The following UNC13C variants were observed in gnomAD, a reference collection of about 807,000 sequenced individuals.
UNC13C encodes the protein protein unc-13 homolog C.
Under a neutral mutation model 245.4 loss-of-function variants are expected in UNC13C, and 174 were observed. The observed-to-expected ratio is 0.71, with a 90% CI of 0.63 to 0.80. The LOEUF (loss-of-function observed/expected upper bound fraction) is 0.80. Among genes scored for constraint, UNC13C ranks in the 30% least tolerant of loss-of-function variants. The pLI is 0.00. For missense variants in UNC13C, 2,829 were observed against 2,602.9 expected (o/e 1.09, Z -1.89); for synonymous variants, 992 against 895.1 (o/e 1.11, Z -1.93).
chr15:54,278,305 G>A (rs1396624260), intron 10 of UNC13C, among the ~76,000 whole-genome samples: 1 of 151,992 alleles, frequency 6.6e-6, no homozygotes, highest in Non-Finnish European at 1.5e-5. Flanking sequence ...TTTCTTTACT[G>A]CTCCCTACTT....
intron 2 of UNC13C, among the ~76,000 whole-genome samples, chr15:54,051,393 T>C (rs1485576538): frequency 6.6e-6 from 1 of 152,172 alleles, no homozygotes; most frequent in African/African-American, 2.4e-5. Context: ...GTGGATTGAG[T>C]TGACATTTAT....
At chr15:54,582,987 G>A (rs138178371) in intron 30 of UNC13C, among the ~76,000 whole-genome samples, 11 of 152,008 alleles carry the variant, frequency 7.2e-5, no homozygotes, top group African/African-American at 1.9e-4. Context: ...ATCACCTGTC[G>A]GGCTTGTTTG....
intron 19 of UNC13C, among the ~76,000 whole-genome samples, chr15:54,418,896 T>C (rs2040577329): frequency 6.6e-6 from 1 of 152,114 alleles, no homozygotes; most frequent in East Asian, 1.9e-4. Context: ...ACAGTTCCTC[T>C]TTCACACTTA....
At position 54,264,209 on chromosome 15, in the gene UNC13C, A is replaced by T. The variant is rs1270053625; in HGVS notation, c.3490A>T (p.Thr1164Ser). The stretch of plus-strand genomic sequence containing the variant: ...TTCTAAACATGGTGCCGAAGACAAG[A>T]CTCAGACCATTATTACAGCAATGAA... ...KSSKHGAEDKTQTIITAMKER... is the reference protein window; with the variant it reads ...KSSKHGAEDKSQTIITAMKER... The change falls in exon 9 of 33, where the codon ACT becomes TCT. Residue 1164 changes from threonine to serine, a missense_variant. Physicochemically the swap from Thr to Ser is moderately conservative, Grantham distance 58 (BLOSUM62 1). Transcript: ENST00000260323. 1 of 1,592,112 alleles carries T rather than the reference A, an allele frequency of 6.3e-7. No individual in the cohort carries two copies.
intron 24 of UNC13C, among the ~76,000 whole-genome samples, chr15:54,518,457 T>C (rs910334812): frequency 2.6e-5 from 4 of 152,176 alleles, no homozygotes; most frequent in African/African-American, 9.7e-5. Context: ...AAAGGACACA[T>C]GCCCCAGCAA....
At chr15:53,920,061 A>G in the UNC13C span, among the ~76,000 whole-genome samples, 3 of 151,942 alleles carry the variant, frequency 2.0e-5, no homozygotes, top group African/African-American at 4.8e-5. Context: ...AGCCTAATTT[A>G]CTATGAATAT....
At chr15:54,195,241 C>CT (rs2034315015) in intron 4 of UNC13C, among the ~76,000 whole-genome samples, 1 of 152,128 alleles carries the variant, frequency 6.6e-6, no homozygotes, top group Admixed American at 6.6e-5. Context: ...AGCCTACACT[C>CT]TAAGAAGGAG....
chr15:54,300,873 A>G (rs992965216), intron 13 of UNC13C, among the ~76,000 whole-genome samples: 1 of 152,146 alleles, frequency 6.6e-6, no homozygotes, highest in Non-Finnish European at 1.5e-5. Flanking sequence ...CAAATTTTAG[A>G]CTATGTCTTT....
chr15:54,430,455 G>C (rs2040848892), intron 19 of UNC13C, among the ~76,000 whole-genome samples: 1 of 151,132 alleles, frequency 6.6e-6, no homozygotes, highest in African/African-American at 2.4e-5. Flanking sequence ...TTATATGTTT[G>C]GATTTTTTTT....
chr15:54,217,071 G>T (rs2035064101), intron 4 of UNC13C, among the ~76,000 whole-genome samples: 1 of 152,050 alleles, frequency 6.6e-6, no homozygotes, highest in East Asian at 1.9e-4. Flanking sequence ...ATGGAGAGAA[G>T]ATGTGAGAGT....
chr15:54,074,072 A>T (rs1898466749), intron 2 of UNC13C, among the ~76,000 whole-genome samples: 2 of 152,084 alleles, frequency 1.3e-5, no homozygotes, highest in Admixed American at 1.3e-4. Context: ...GTAAGGAAGG[A>T]GTCCGGTTTC....
At chr15:54,302,225 T>C (rs1391937372) in intron 13 of UNC13C, among the ~76,000 whole-genome samples, 1 of 152,232 alleles carries the variant, frequency 6.6e-6, no homozygotes, top group Non-Finnish European at 1.5e-5. Flanking sequence ...AAAAATTTTC[T>C]CTCATTCTGT....
At chr15:54,002,001 A>T (rs139723741) in intron 1 of UNC13C, among the ~76,000 whole-genome samples, 1 of 152,218 alleles carries the variant, frequency 6.6e-6, no homozygotes, top group African/African-American at 2.4e-5. Flanking sequence ...AAATTATTCA[A>T]ATCAGCCAGG....
At chr15:54,236,349 T>A in intron 5 of UNC13C, 81 bp from the exon 6 acceptor site, 3 of 1,123,506 alleles carry the variant, frequency 2.7e-6, no homozygotes, top group Non-Finnish European at 3.9e-6. Context: ...TTAGGCTAAT[T>A]TAACATTGTT....
At chr15:54,301,945 C>T (rs1567171990) in intron 13 of UNC13C, among the ~76,000 whole-genome samples, 1 of 152,152 alleles carries the variant, frequency 6.6e-6, no homozygotes, top group Non-Finnish European at 1.5e-5. Flanking sequence ...TCCTCTCCAG[C>T]ATCTGTTGTT....
At chr15:53,877,699 G>T in the UNC13C span, among the ~76,000 whole-genome samples, 1 of 152,152 alleles carries the variant, frequency 6.6e-6, no homozygotes. Flanking sequence ...TATGAATAGA[G>T]AAATGTACAG....
At chr15:54,021,722 C>G (rs1380830725) in intron 2 of UNC13C, among the ~76,000 whole-genome samples, 1 of 152,178 alleles carries the variant, frequency 6.6e-6, no homozygotes, top group Non-Finnish European at 1.5e-5. Flanking sequence ...CGTAATGACA[C>G]TTCAGTTGAT....
intron 2 of UNC13C, among the ~76,000 whole-genome samples, chr15:54,016,585 G>A (rs1895670578): frequency 6.6e-6 from 1 of 152,062 alleles, no homozygotes. Context: ...CTCCACCATG[G>A]AAATGAGAAG....
chr15:54,461,639 G>A (rs557927672), intron 19 of UNC13C, among the ~76,000 whole-genome samples: 21 of 152,258 alleles, frequency 1.4e-4, no homozygotes, highest in African/African-American at 5.1e-4. Context: ...TAATGCAGAA[G>A]AGAAAGTACA....
Sources: allele counts gnomAD v4.1 joint callset (sites outside exome capture counted in the v4.1 genomes callset), GRCh38; gene constraint gnomAD v4.1.1; transcripts MANE v1.5; gene names NCBI Gene and HGNC (gene_info 2026-07-23, HGNC 2026-07-21).